CHPT1: variants seen among roughly 807,000 people sequenced by gnomAD.
The protein encoded by CHPT1 is choline phosphotransferase 1.
A neutral mutation model predicts 47.6 loss-of-function variants in CHPT1; 36 were observed. The ratio of observed to expected loss-of-function variants is 0.76; its 90% CI spans 0.58 to 1.00. The LOEUF (loss-of-function observed/expected upper bound fraction) is 1.00. Ranked by LOEUF, CHPT1 falls within the 50% of genes least tolerant of loss-of-function variation. The pLI is 0.00. For synonymous variants in CHPT1, 194 were observed against 186.3 expected, an observed-to-expected ratio of 1.04 and a Z score of -0.33; for missense variants, 458 against 498.1, an observed-to-expected ratio of 0.92 and a Z score of 0.77.
chr12:101,713,997 C>T (rs1310338471), intron 1 of CHPT1, 93 bp from the exon 2 acceptor site: 8 of 708,812 alleles, frequency 1.1e-5, no homozygotes, highest in African/African-American at 5.4e-5. Context: ...TTATAACACA[C>T]GGGGTGCTAC....
chr12:101,713,846 GATCCTA>G (rs1951727840), intron 1 of CHPT1, among the ~76,000 whole-genome samples: 1 of 152,074 alleles, frequency 6.6e-6, no homozygotes, highest in African/African-American at 2.4e-5. Flanking sequence ...TCAAGATCAG[GATCCTA>G]ATCCTTACTC....
chr12:101,726,563 C>T (rs1951948809), intron 8 of CHPT1, 159 bp downstream of exon 8: 1 of 1,103,270 alleles, frequency 9.1e-7, no homozygotes, highest in Non-Finnish European at 1.2e-6. Context: ...TTCATTGTGT[C>T]TTATTTCAGT....
intron 1 of CHPT1, among the ~76,000 whole-genome samples, chr12:101,700,895 G>T (rs1164825922): frequency 1.3e-5 from 2 of 152,150 alleles, no homozygotes; most frequent in Non-Finnish European, 2.9e-5. Flanking sequence ...CTGATTCTCA[G>T]ACTTAAGAAT....
At chr12:101,714,443 G>A in intron 2 of CHPT1, 61 bp from the exon 3 acceptor site, 1 of 1,407,084 alleles carries the variant, frequency 7.1e-7, no homozygotes, top group Non-Finnish European at 9.7e-7. Flanking sequence ...AAACAGCATA[G>A]GGCAATTATT....
chr12:101,705,215 C>T (rs1951614158), intron 1 of CHPT1, among the ~76,000 whole-genome samples: 1 of 130,286 alleles, frequency 7.7e-6, no homozygotes. Context: ...AGGTGTGCAC[C>T]ACCATGCCTG....
chr12:101,717,629 C>T (rs1052253126), intron 4 of CHPT1, among the ~76,000 whole-genome samples: 2 of 151,966 alleles, frequency 1.3e-5, no homozygotes, highest in African/African-American at 4.8e-5. Flanking sequence ...TGTCCAAGGA[C>T]ACATGAGAAG....
At chr12:101,714,462 T>G (rs1198004437) in intron 2 of CHPT1, 42 bp from the exon 3 acceptor site, 1 of 1,518,756 alleles carries the variant, frequency 6.6e-7, no homozygotes, top group Non-Finnish European at 8.9e-7. Flanking sequence ...TTTCATAAAT[T>G]ATTTTTAATT....
intron 5 of CHPT1, 90 bp from the exon 6 acceptor site, chr12:101,723,078 C>A: frequency 1.7e-6 from 2 of 1,206,348 alleles, no homozygotes; most frequent in Non-Finnish European, 2.4e-6. Context: ...TTCTTTAGGC[C>A]TCTTGCACAA....
chr12:101,726,069 C>CT (rs1381339364), intron 7 of CHPT1, among the ~76,000 whole-genome samples: 6 of 152,022 alleles, frequency 3.9e-5, no homozygotes, highest in Non-Finnish European at 7.4e-5. Context: ...TTTTAGTCGT[C>CT]TTTTTTACCT....
chr12:101,699,386 C>A (rs1303305851), intron 1 of CHPT1, among the ~76,000 whole-genome samples: 1 of 101,154 alleles, frequency 9.9e-6, no homozygotes, highest in African/African-American at 3.5e-5. Flanking sequence ...TTATGTATTT[C>A]TTTTCTTTTT....
At chr12:101,727,325 A>ATACTT (rs1470037630) in intron 8 of CHPT1, 3 of 152,186 alleles carry the variant, frequency 2.0e-5, no homozygotes, top group African/African-American at 7.2e-5. Flanking sequence ...TTAGGTACTG[A>ATACTT]TACTTATCTT....
chr12:101,701,565 G>C (rs1216104809), intron 1 of CHPT1, among the ~76,000 whole-genome samples: 1 of 152,200 alleles, frequency 6.6e-6, no homozygotes, highest in East Asian at 1.9e-4. Context: ...TGGGGGCCAG[G>C]ATTCCAAGCC....
At chr12:101,698,323 G>A (rs148052778) in intron 1 of CHPT1, among the ~76,000 whole-genome samples, 189 bp downstream of exon 1, 4 of 152,278 alleles carry the variant, frequency 2.6e-5, no homozygotes, top group African/African-American at 9.6e-5. Flanking sequence ...TCCCAATCCC[G>A]TGACCATCCC....
rs561387967 is a variant in CHPT1 at position 101,714,765 on chromosome 12, G to A, written c.563+120G>A. 9.0e-4 allele frequency: 911 copies of A among 1,007,022 alleles called. 3 individuals carry two copies. The highest frequency in any genetic ancestry group is 1.2e-3 in the Non-Finnish European group (843 of 722,904). 62.4% of individuals were successfully genotyped at this position (1,007,022 alleles called of 1,614,324 possible). ...TTCAATCAGTAACTTAAATTAATTCGTCGGAGTACTCATAAATGCTACACC... is the reference window on the plus strand; with the variant it reads ...TTCAATCAGTAACTTAAATTAATTCATCGGAGTACTCATAAATGCTACACC... On this transcript the variant is annotated intron_variant, in intron 3 of 8. Transcript: ENST00000229266.
At chr12:101,710,912 G>A (rs998861470) in intron 1 of CHPT1, among the ~76,000 whole-genome samples, 15 of 148,646 alleles carry the variant, frequency 1.0e-4, no homozygotes, top group African/African-American at 1.9e-4. Flanking sequence ...TATGTTTGAC[G>A]TGTAACTTTG....
At chr12:101,716,865 A>G in intron 4 of CHPT1, 53 bp downstream of exon 4, 3 of 1,124,624 alleles carry the variant, frequency 2.7e-6, no homozygotes, top group Non-Finnish European at 3.8e-6. Context: ...TATTTAGGAA[A>G]AAGTATTGCA....
At chr12:101,727,244 T>TTAAG (rs1566045711) in intron 8 of CHPT1, 1 of 152,168 alleles carries the variant, frequency 6.6e-6, no homozygotes, top group East Asian at 1.9e-4. Context: ...AAAGTTTACT[T>TTAAG]TAAGTACACA....
intron 8 of CHPT1, chr12:101,727,250 A>G (rs1951974945): frequency 6.6e-6 from 1 of 152,184 alleles, no homozygotes; most frequent in African/African-American, 2.4e-5. Context: ...TACTTTAAGT[A>G]CACACTGACT....
intron 4 of CHPT1, among the ~76,000 whole-genome samples, chr12:101,719,175 A>G (rs920600471): frequency 1.3e-5 from 2 of 151,504 alleles, no homozygotes; most frequent in African/African-American, 2.4e-5. Flanking sequence ...AAAAAAAAAA[A>G]AAGAAGGTAA....
Sources: allele counts gnomAD v4.1 joint callset (sites outside exome capture counted in the v4.1 genomes callset), GRCh38; gene constraint gnomAD v4.1.1; transcripts MANE v1.5; gene names NCBI Gene and HGNC (gene_info 2026-07-23, HGNC 2026-07-21).